KIDINS220: variants seen among roughly 807,000 people sequenced by gnomAD.
KIDINS220 encodes kinase D interacting substrate 220, also known as kinase D-interacting substrate of 220 kDa.
Under a neutral mutation model 157.6 loss-of-function variants are expected in KIDINS220, and 63 were observed. The observed-to-expected ratio is 0.40, with a 90% CI of 0.33 to 0.49. The LOEUF (loss-of-function observed/expected upper bound fraction) is 0.49. Ranked by LOEUF, KIDINS220 falls within the 20% of genes least tolerant of loss-of-function variation. KIDINS220 has a pLI of 0.66. For missense variants in KIDINS220, 1,772 were observed against 2,171.2 expected (o/e 0.82, Z 3.65); for synonymous variants, 732 against 783.6 (o/e 0.93, Z 1.10).
In KIDINS220 at chr2:8,803,035, T is replaced by C; in HGVS notation, c.696A>G (p.Thr232=). 6.2e-7 allele frequency: 1 copy of C among 1,613,706 alleles called. No homozygotes were observed. Among genetic ancestry groups the C allele is most frequent in the South Asian group, 1.1e-5 (1 of 91,076 alleles). Residue 232 remains threonine (T), a synonymous_variant, in exon 8 of 30, where the codon ACA becomes ACG. Transcript: ENST00000256707. ...TCAAAGCTGTATTTCCATCTTTATC[T>C]GTTAAGTTTACATTTGGATTCCTCT... ...ILKRNPNVNL[T]DKDGNTALMI...
chr2:8,830,155 G>A (rs1010603281), intron 1 of KIDINS220, among the ~76,000 whole-genome samples: 3 of 152,164 alleles, frequency 2.0e-5, no homozygotes, highest in African/African-American at 7.2e-5. Context: ...CAGTGCCTTA[G>A]TTTAGACCTT....
intron 23 of KIDINS220, among the ~76,000 whole-genome samples, chr2:8,750,656 A>G (rs7592478): frequency 0.11 from 17,506 of 152,264 alleles, 1,117 homozygotes; most frequent in Middle Eastern, 0.2. Flanking sequence ...ACTTTTATTC[A>G]TAACGTTATC....
At chr2:8,777,303 GTTA>G (rs537222436) in intron 20 of KIDINS220, among the ~76,000 whole-genome samples, 223 of 152,186 alleles carry the variant, frequency 1.5e-3, no homozygotes, top group African/African-American at 5.0e-3. Flanking sequence ...TGATTTTTAG[GTTA>G]TTATTATTGT....
chr2:8,798,229 G>A lies in KIDINS220; in HGVS notation c.972C>T (p.Cys324=), dbSNP rs1674226299. The stretch of plus-strand genomic sequence containing the variant: ...TTGTGCATATTTCAGTGTCAGGATT[G>A]CACTGTAAGATATCTCTCACCATTG... The part of the protein sequence containing the change: ...NATMVRDILQ[C]NPDTEICTKD... Residue 324 remains cysteine, a synonymous_variant, in exon 10 of 30, where the codon TGC becomes TGT. Coordinates refer to ENST00000256707, the MANE Select transcript of KIDINS220 (RefSeq NM_020738.4). The A allele has an allele frequency of 6.2e-7, 1 of 1,609,366 alleles. No individual in the cohort carries two copies. The highest frequency in any genetic ancestry group is 1.7e-5 in the Admixed American group (1 of 59,998).
rs372710590 is a variant in KIDINS220, at chr2:8,770,659, A to G, written c.3011+11T>C. ...AAATAAAGTAAAATACAAAGAGGTC[A>G]CAAAAGGTACCTTTCGTAGATGGTT... is the stretch of plus-strand genomic sequence containing the variant. On this transcript the variant is annotated intron_variant, in intron 22 of 29. Coordinates refer to ENST00000256707, the MANE Select transcript of KIDINS220 (RefSeq NM_020738.4). 10 of 1,533,242 alleles carry G rather than the reference A, an allele frequency of 6.5e-6. No homozygotes were observed. The highest frequency in any genetic ancestry group is 8.8e-6 in the Non-Finnish European group (10 of 1,133,322). The allele number at this position is 1,533,242 out of a possible 1,614,324, so 95.0% of individuals were successfully genotyped here. A position where few individuals can be genotyped will look rare whatever the true frequency, so the allele number is the denominator to read the frequency against.
chr2:8,765,146 G>A (rs777988466), intron 22 of KIDINS220, among the ~76,000 whole-genome samples: 3 of 152,144 alleles, frequency 2.0e-5, no homozygotes, highest in Non-Finnish European at 2.9e-5. Flanking sequence ...AGAAGGAGCC[G>A]GAGCCAGGCT....
intron 22 of KIDINS220, among the ~76,000 whole-genome samples, chr2:8,765,215 T>C (rs1669314012): frequency 6.6e-6 from 1 of 152,218 alleles, no homozygotes; most frequent in Non-Finnish European, 1.5e-5. Flanking sequence ...TGACCAATTA[T>C]ATCCTTTTGT....
intron 2 of KIDINS220, among the ~76,000 whole-genome samples, chr2:8,819,234 A>T (rs1040757863): frequency 1.3e-5 from 2 of 152,208 alleles, no homozygotes; most frequent in African/African-American, 4.8e-5. Context: ...ATAATAAATA[A>T]AAACAACCAG....
intron 22 of KIDINS220, among the ~76,000 whole-genome samples, chr2:8,755,625 C>A (rs1030866345): frequency 6.6e-6 from 1 of 152,198 alleles, no homozygotes; most frequent in Admixed American, 6.5e-5. Context: ...CTTGGGAAAG[C>A]ATAGGTTGAT....
intron 21 of KIDINS220, among the ~76,000 whole-genome samples, chr2:8,773,442 C>T (rs777033838): frequency 6.6e-6 from 1 of 151,486 alleles, no homozygotes; most frequent in South Asian, 2.1e-4. Flanking sequence ...GGCCTGTAAG[C>T]CTCAAAGTGA....
chr2:8,791,173 T>C lies in KIDINS220; in HGVS notation c.1328A>G (p.Tyr443Cys), dbSNP rs1673127211. 2 of 1,614,090 alleles carry C rather than the reference T, an allele frequency of 1.2e-6. No individual in the cohort carries two copies. Among genetic ancestry groups the C allele is most frequent in the Non-Finnish European group, 1.7e-6 (2 of 1,179,946 alleles). Reference sequence around the variant, plus strand: ...GAGAATATCTGCCAGGGCACTGCTATATAAATCATATCCAAGCATGTCACC... The same window carrying C: ...GAGAATATCTGCCAGGGCACTGCTACATAAATCATATCCAAGCATGTCACC... ...TDGDMLGYDLYSSALADILSE... is the reference protein window; with the variant it reads ...TDGDMLGYDLCSSALADILSE... The change falls in exon 13 of 30, where the codon TAT becomes TGT. Residue 443 changes from tyrosine to cysteine, a missense_variant. Around this residue, in one of 3 missense-constraint regions of KIDINS220, gnomAD observed 725 missense variants for 1,017.1 expected, o/e 0.71. Transcript: ENST00000256707.
At chr2:8,747,773 A>ACT in intron 25 of KIDINS220, 114 bp downstream of exon 25, 1 of 520,886 alleles carries the variant, frequency 1.9e-6, no homozygotes, top group South Asian at 5.3e-5. Flanking sequence ...GTTTCTTAAA[A>ACT]CTATGTATAA....
At chr2:8,790,929 G>C in intron 13 of KIDINS220, 131 bp downstream of exon 13, 4 of 674,064 alleles carry the variant, frequency 5.9e-6, no homozygotes, top group Non-Finnish European at 7.1e-6. Flanking sequence ...ACCAACCAGA[G>C]GGGAGTTCAT....
intron 22 of KIDINS220, among the ~76,000 whole-genome samples, chr2:8,768,141 A>T (rs1243994343): frequency 6.6e-6 from 1 of 152,182 alleles, no homozygotes; most frequent in Non-Finnish European, 1.5e-5. Context: ...GCCAGAAATA[A>T]AGTTTTAGAT....
intron 21 of KIDINS220, among the ~76,000 whole-genome samples, chr2:8,774,215 A>C (rs1301353854): frequency 6.6e-6 from 1 of 151,556 alleles, no homozygotes; most frequent in Non-Finnish European, 1.5e-5. Context: ...AGAATCACTT[A>C]AACCCCGAAG....
intron 14 of KIDINS220, 54 bp from the exon 15 acceptor site, chr2:8,788,866 C>A (rs1332988514): frequency 2.7e-6 from 4 of 1,509,044 alleles, no homozygotes; most frequent in East Asian, 2.3e-5. Flanking sequence ...TCAAGCAGAT[C>A]TTTTCTCCAA....
intron 6 of KIDINS220, among the ~76,000 whole-genome samples, chr2:8,811,962 A>C (rs992811433): frequency 6.6e-6 from 1 of 152,096 alleles, no homozygotes; most frequent in African/African-American, 2.4e-5. Context: ...GAGAAGGGGA[A>C]AAAGGAAGGC....
At chr2:8,780,733 T>C (rs1326719347) in intron 17 of KIDINS220, among the ~76,000 whole-genome samples, 4 of 150,936 alleles carry the variant, frequency 2.7e-5, no homozygotes, top group African/African-American at 9.8e-5. Context: ...TAAATGCATA[T>C]TGCAAACCCT....
At chr2:8,814,285 T>C (rs1676739987) in intron 4 of KIDINS220, among the ~76,000 whole-genome samples, 1 of 152,206 alleles carries the variant, frequency 6.6e-6, no homozygotes, top group Non-Finnish European at 1.5e-5. Flanking sequence ...CTAAGGAATT[T>C]TTTTTTTAAG....
Sources: allele counts gnomAD v4.1 joint callset (sites outside exome capture counted in the v4.1 genomes callset), GRCh38; gene constraint gnomAD v4.1.1; regional missense constraint gnomAD v4.1.1; transcripts MANE v1.5; gene names NCBI Gene and HGNC (gene_info 2026-07-23, HGNC 2026-07-21).